TMEM178B: variants seen among roughly 807,000 people sequenced by gnomAD.
The protein encoded by TMEM178B is transmembrane protein 178B.
Under a neutral mutation model 31.0 loss-of-function variants are expected in TMEM178B, and 5 were observed. That is an observed-to-expected ratio of 0.16 (90% CI 0.08 to 0.34). The LOEUF (loss-of-function observed/expected upper bound fraction) is 0.34, where lower values mean the gene tolerates loss of function less well. Among genes scored for constraint, TMEM178B ranks in the 10% least tolerant of loss-of-function variants. TMEM178B has a pLI of 1.00. For missense variants in TMEM178B, 275 were observed against 400.3 expected (o/e 0.69, Z 2.67); for synonymous variants, 164 against 164.0 (o/e 1.00, Z 0.00).
intron 1 of TMEM178B, among the ~76,000 whole-genome samples, chr7:141,088,771 G>A (rs768279564): frequency 2.0e-4 from 30 of 152,062 alleles, no homozygotes; most frequent in South Asian, 6.2e-4. Flanking sequence ...TTTTGATGGG[G>A]TTGTTTAAAT....
At chr7:141,325,058 T>C (rs952246117) in intron 2 of TMEM178B, among the ~76,000 whole-genome samples, 1 of 152,076 alleles carries the variant, frequency 6.6e-6, no homozygotes, top group Non-Finnish European at 1.5e-5. Flanking sequence ...TGCCTCCTAC[T>C]CCCATGCTCT....
At chr7:141,246,360 A>C (rs900182263) in intron 2 of TMEM178B, among the ~76,000 whole-genome samples, 2 of 152,212 alleles carry the variant, frequency 1.3e-5, no homozygotes, top group African/African-American at 4.8e-5. Flanking sequence ...CTTTTCATTC[A>C]TGATTTCAGC....
chr7:141,123,357 T>A (rs1795439645), intron 1 of TMEM178B, among the ~76,000 whole-genome samples: 2 of 152,180 alleles, frequency 1.3e-5, no homozygotes, highest in African/African-American at 4.8e-5. Context: ...TTCTCTGAGG[T>A]CTGCGTGGCT....
chr7:141,354,805 TC>T (rs915185402), intron 2 of TMEM178B, among the ~76,000 whole-genome samples: 2 of 152,162 alleles, frequency 1.3e-5, no homozygotes, highest in African/African-American at 2.4e-5. Context: ...TTGCACCACC[TC>T]CTCCTGGGAC....
chr7:141,225,182 T>C (rs112255178), intron 2 of TMEM178B, among the ~76,000 whole-genome samples: 23 of 152,256 alleles, frequency 1.5e-4, no homozygotes, highest in African/African-American at 5.1e-4. Context: ...GCAAAATTCA[T>C]GCTCTTTCCT....
At chr7:141,397,105 G>C (rs536130756) in intron 2 of TMEM178B, among the ~76,000 whole-genome samples, 1 of 152,294 alleles carries the variant, frequency 6.6e-6, no homozygotes, top group South Asian at 2.1e-4. Flanking sequence ...GTTCATTGAA[G>C]GTTGAGGGCT....
intron 1 of TMEM178B, among the ~76,000 whole-genome samples, chr7:141,198,840 G>T (rs1796828213): frequency 2.6e-5 from 4 of 152,380 alleles, no homozygotes; most frequent in African/African-American, 7.2e-5. Context: ...GCTGCGCCGG[G>T]TGTCTGCACC....
At chr7:141,113,502 T>TA (rs1438954141) in intron 1 of TMEM178B, among the ~76,000 whole-genome samples, 3 of 152,224 alleles carry the variant, frequency 2.0e-5, no homozygotes, top group African/African-American at 7.2e-5. Context: ...CCTATTCTCA[T>TA]ACCTCTTCCT....
intron 2 of TMEM178B, among the ~76,000 whole-genome samples, chr7:141,370,546 T>C (rs1321526273): frequency 2.0e-5 from 3 of 152,200 alleles, no homozygotes; most frequent in Admixed American, 6.5e-5. Flanking sequence ...GGGACTTTTA[T>C]TGGTGCTCAG....
intron 2 of TMEM178B, among the ~76,000 whole-genome samples, chr7:141,216,497 G>T (rs1797155121): frequency 6.9e-6 from 1 of 144,676 alleles, no homozygotes; most frequent in African/African-American, 2.5e-5. Flanking sequence ...GGGAAGAAGG[G>T]TGATCTTTGT....
chr7:141,510,547 T>C, the TMEM178B span, among the ~76,000 whole-genome samples: 13 of 150,452 alleles, frequency 8.6e-5, no homozygotes, highest in East Asian at 2.5e-3. Flanking sequence ...TAGCCAAGTG[T>C]GGTGGTGCAT....
At chr7:141,443,051 A>G (rs563380704) in intron 3 of TMEM178B, among the ~76,000 whole-genome samples, 1 of 152,318 alleles carries the variant, frequency 6.6e-6, no homozygotes, top group South Asian at 2.1e-4. Context: ...TGCTTATTCA[A>G]GGCCAGCAAG....
chr7:141,375,626 A>G (rs1800199289), intron 2 of TMEM178B, among the ~76,000 whole-genome samples: 1 of 152,204 alleles, frequency 6.6e-6, no homozygotes, highest in African/African-American at 2.4e-5. Flanking sequence ...TAAGGAAGCC[A>G]TGAAGAAATG....
chr7:141,506,188 T>C, the TMEM178B span, among the ~76,000 whole-genome samples: 1 of 152,256 alleles, frequency 6.6e-6, no homozygotes, highest in Non-Finnish European at 1.5e-5. Flanking sequence ...CTTTTTCTTT[T>C]ATATTTTCAA....
At chr7:141,387,420 A>G (rs1800451672) in intron 2 of TMEM178B, among the ~76,000 whole-genome samples, 1 of 152,214 alleles carries the variant, frequency 6.6e-6, no homozygotes, top group Non-Finnish European at 1.5e-5. Flanking sequence ...AATTTATTAT[A>G]GTCAGAGGAA....
At chr7:141,462,170 T>C (rs1802070078) in intron 3 of TMEM178B, among the ~76,000 whole-genome samples, 1 of 152,092 alleles carries the variant, frequency 6.6e-6, no homozygotes, top group Non-Finnish European at 1.5e-5. Context: ...GCCCAGGACT[T>C]TCTAGTTTTA....
intron 2 of TMEM178B, among the ~76,000 whole-genome samples, chr7:141,227,539 G>C (rs1453952646): frequency 1.3e-5 from 2 of 152,200 alleles, no homozygotes; most frequent in Non-Finnish European, 2.9e-5. Context: ...GGCTAACAGA[G>C]GTTAAATAAC....
rs528760248 is a variant in TMEM178B at position 141,128,695 on chromosome 7, G to A, written c.382+54003G>A. ...CCGGGGCCCACGATGAGTGTGGTAGGGAGGAACTGAAGTCAGACATTGTTT... is the reference window on the plus strand; with the variant it reads ...CCGGGGCCCACGATGAGTGTGGTAGAGAGGAACTGAAGTCAGACATTGTTT... On this transcript the variant is annotated intron_variant, in intron 1 of 3. Transcript: ENST00000565468. Among the ~76,000 whole-genome samples, 3 of 152,242 alleles carry A rather than the reference G, an allele frequency of 2.0e-5. No individual in the cohort carries two copies. The East Asian group carries it at 5.8e-4, about 29-fold the overall frequency.
chr7:141,429,198 T>C (rs1043061413), intron 2 of TMEM178B, among the ~76,000 whole-genome samples: 2 of 152,162 alleles, frequency 1.3e-5, no homozygotes, highest in African/African-American at 4.8e-5. Flanking sequence ...ATCAGTATGT[T>C]AACGAGATAT....
Sources: gnomAD v4.1 joint callset for allele counts (sites outside exome capture counted in the v4.1 genomes callset) on GRCh38, gnomAD v4.1.1 for gene constraint, MANE v1.5 for transcripts, NCBI Gene and HGNC (gene_info 2026-07-23, HGNC 2026-07-21) for gene names.